The following TUBB3 variants were observed in gnomAD, a reference collection of about 807,000 sequenced individuals.
TUBB3 encodes the protein tubulin beta 3 class III.
Under a neutral mutation model 37.8 loss-of-function variants are expected in TUBB3, and 17 were observed. The observed-to-expected ratio is 0.45, with a 90% confidence interval of 0.31 to 0.67. The LOEUF is 0.67. TUBB3 is among the 30% of genes least tolerant of loss of function. The pLI is 0.07. For missense variants in TUBB3, 262 were observed against 657.9 expected, an observed-to-expected ratio of 0.40 and a Z score of 6.58; for synonymous variants, 332 against 278.9, an observed-to-expected ratio of 1.19 and a Z score of -1.90.
intron 1 of TUBB3, among the ~76,000 whole-genome samples, chr16:89,926,177 G>A (rs1355540187): frequency 2.0e-5 from 3 of 152,202 alleles, no homozygotes; most frequent in Non-Finnish European, 4.4e-5. Context: ...CTCCCTCCCC[G>A]GGGCGGGGTT....
chr16:89,933,606 TG>T (rs766990660), intron 3 of TUBB3, 28 bp downstream of exon 3: 2 of 1,579,044 alleles, frequency 1.3e-6, no homozygotes, highest in African/African-American at 2.7e-5. Context: ...CAAGCTCTGA[TG>T]GCAGACCCCA....
At chr16:89,933,991 T>G (rs1170490811) in intron 3 of TUBB3, 1 of 412,446 alleles carries the variant, frequency 2.4e-6, no homozygotes, top group East Asian at 9.7e-5. Context: ...GGGCCGTGGA[T>G]GCCACGTTCC....
Position 89,935,791 on chromosome 16 carries a change from A to G in TUBB3, c.1340A>G (p.Gln447Arg). 1 of 1,613,116 alleles carries G rather than the reference A, an allele frequency of 6.2e-7. No homozygotes were observed. Among genetic ancestry groups the G allele is most frequent in the South Asian group, 1.1e-5 (1 of 91,074 alleles). ...YEDDEEESEAQGPK is the reference protein window; with the variant it reads ...YEDDEEESEARGPK The stretch of plus-strand genomic sequence containing the variant: ...GACGACGAGGAGGAGTCGGAGGCCC[A>G]GGGCCCCAAGTGAAGCTGCTCGCAG... Residue 447 changes from glutamine to arginine, a missense_variant, in exon 4 of 4, where the codon CAG becomes CGG. Gln to Arg is a conservative substitution (Grantham distance 43). This residue lies in a region of TUBB3 where 39 missense variants were observed against 26.9 expected (regional missense o/e 1.45). Transcript: ENST00000315491.
At chr16:89,927,641 A>C (rs1012477026) in intron 1 of TUBB3, among the ~76,000 whole-genome samples, 1 of 152,216 alleles carries the variant, frequency 6.6e-6, no homozygotes, top group Non-Finnish European at 1.5e-5. Flanking sequence ...CATTTGAACA[A>C]AATGAAGCCA....
At position 89,934,361 on chromosome 16, in the gene TUBB3, C is replaced by T. The variant is rs1320779208; in HGVS notation, c.278-368C>T. The T allele has an allele frequency of 1.0e-5, 5 of 499,562 alleles. No individual in the cohort carries two copies. In the East Asian group the frequency reaches 2.2e-4, roughly 22 times the overall value. The allele number at this position is 499,562 out of a possible 1,614,324, so 30.9% of individuals were successfully genotyped here. A position where few individuals can be genotyped will look rare whatever the true frequency, so the allele number is the denominator to read the frequency against. ...CAGCTGGTAGATGCCAACTCGCATC[C>T]AGCCCCCAGCTGCCAGGGATTCTGG... On this transcript the variant is annotated intron_variant, in intron 3 of 3. Transcript: ENST00000315491.
Position 89,935,596 on chromosome 16 carries a change from C to G in TUBB3, c.1145C>G (p.Ser382Cys). 6.2e-7 allele frequency: 1 copy of G among 1,613,970 alleles called. No homozygotes were observed. The highest frequency in any genetic ancestry group is 8.5e-7 in the Non-Finnish European group (1 of 1,180,012). The change falls in exon 4 of 4, where the codon TCC becomes TGC. Residue 382 changes from serine (S) to cysteine (C), a missense_variant. Around this residue, in one of 3 missense-constraint regions of TUBB3, gnomAD observed 165 missense variants for 556.8 expected, o/e 0.30. Transcript: ENST00000315491. ...TAIQELFKRI[S>C]EQFTAMFRRK... ...ATCCAGGAGCTGTTCAAGCGCATCTCCGAGCAGTTCACGGCCATGTTCCGG... is the reference window on the plus strand; with the variant it reads ...ATCCAGGAGCTGTTCAAGCGCATCTGCGAGCAGTTCACGGCCATGTTCCGG...
Position 89,923,419 on chromosome 16 carries a change from C to T in TUBB3, c.18C>T (p.His6=), listed in dbSNP as rs2029957353. 12 of 1,512,992 alleles carry T rather than the reference C, an allele frequency of 7.9e-6. No individual in the cohort carries two copies. Among genetic ancestry groups the T allele is most frequent in the Non-Finnish European group, 1.1e-5 (12 of 1,130,224 alleles). The allele number at this position is 1,512,992 out of a possible 1,614,324, so 93.7% of individuals were successfully genotyped here. A position where few individuals can be genotyped will look rare whatever the true frequency, so the allele number is the denominator to read the frequency against. Residue 6 remains histidine, a synonymous_variant, in exon 1 of 4, where the codon CAC becomes CAT. Transcript: ENST00000315491. ...CGCCCAGTATGAGGGAGATCGTGCA[C>T]ATCCAGGCCGGCCAGTGCGGCAACC... is the stretch of plus-strand genomic sequence containing the variant. MREIV[H]IQAGQCGNQI...
rs759546613 is a variant in TUBB3 at position 89,933,585 on chromosome 16, TC to T, written c.277+12del. 9.3e-6 allele frequency: 15 copies of T among 1,608,622 alleles called. No homozygotes were observed. The African/African-American group carries it at 1.3e-4, about 14-fold the overall frequency. On this transcript the variant is annotated splice_region_variant and intron_variant, in intron 3 of 3. Coordinates refer to ENST00000315491, the MANE Select transcript of TUBB3 (RefSeq NM_006086.4). ...CCTGACAATTTCATCTTTGGTAAGT[TC>T]CCCCTGCTCCAAGCTCTGATGGCAG...
intron 1 of TUBB3, chr16:89,931,830 T>C (rs1053974768): frequency 4.9e-6 from 2 of 411,884 alleles, no homozygotes; most frequent in Non-Finnish European, 5.0e-6. Flanking sequence ...CGAGAAGCAC[T>C]GCAGGCACCT....
At chr16:89,922,520 AGAGT>A (rs1377888433), upstream of TUBB3, 1 of 152,262 alleles carries the variant, frequency 6.6e-6, no homozygotes, top group Non-Finnish European at 1.5e-5. Flanking sequence ...CCGACCTCAG[AGAGT>A]GAGTCAGATA....
At chr16:89,930,409 G>A (rs114867959) in intron 1 of TUBB3, among the ~76,000 whole-genome samples, 16,686 of 151,140 alleles carry the variant, frequency 0.11, 2,334 homozygotes, top group African/African-American at 0.33. Context: ...AGCTATGAGT[G>A]GTTTTGTTTC....
chr16:89,929,110 G>C (rs536464710), intron 1 of TUBB3, among the ~76,000 whole-genome samples: 1 of 151,800 alleles, frequency 6.6e-6, no homozygotes, highest in Non-Finnish European at 1.5e-5. Flanking sequence ...TTACAGGTGC[G>C]CGCTACCACG....
intron 1 of TUBB3, among the ~76,000 whole-genome samples, chr16:89,931,186 A>C (rs547077759): frequency 2.0e-4 from 31 of 152,146 alleles, no homozygotes; most frequent in African/African-American, 6.3e-4. Flanking sequence ...ATCTTTGTCT[A>C]CACTCCTGGG....
intron 1 of TUBB3, among the ~76,000 whole-genome samples, chr16:89,925,866 G>A (rs2030057625): frequency 6.6e-6 from 1 of 152,232 alleles, no homozygotes; most frequent in Non-Finnish European, 1.5e-5. Flanking sequence ...CTCGAGGCCG[G>A]GAGCAAAGCC....
At chr16:89,934,412 G>A (rs1241034740) in intron 3 of TUBB3, 2 of 544,210 alleles carry the variant, frequency 3.7e-6, no homozygotes, top group Non-Finnish European at 7.0e-6. Context: ...TCCTGGCACT[G>A]CCAGTCGGAA....
chr16:89,929,508 C>T (rs959820000), intron 1 of TUBB3, among the ~76,000 whole-genome samples: 1 of 152,100 alleles, frequency 6.6e-6, no homozygotes, highest in East Asian at 1.9e-4. Flanking sequence ...TATGTTTATT[C>T]TTAAGGTTTT....
chr16:89,934,964 C>T lies in TUBB3; in HGVS notation c.513C>T (p.Pro171=), dbSNP rs758994248. 3 of 1,614,186 alleles carry T rather than the reference C, an allele frequency of 1.9e-6. No homozygotes were observed. The highest frequency in any genetic ancestry group is 2.2e-5 in the East Asian group (1 of 44,880). Residue 171 remains proline (P), a synonymous_variant, in exon 4 of 4, where the codon CCC becomes CCT. Transcript: ENST00000315491. The stretch of plus-strand genomic sequence containing the variant: ...TCATGAACACCTTCAGCGTCGTGCC[C>T]TCACCCAAGGTGTCAGACACGGTGG... ...DRIMNTFSVV[P]SPKVSDTVVE...
intron 1 of TUBB3, among the ~76,000 whole-genome samples, chr16:89,928,248 G>T (rs1372234095): frequency 6.6e-6 from 1 of 151,918 alleles, no homozygotes; most frequent in East Asian, 1.9e-4. Context: ...TAGAGACAGG[G>T]TTTCACCATG....
At chr16:89,929,143 A>G (rs548514136) in intron 1 of TUBB3, among the ~76,000 whole-genome samples, 91 of 151,812 alleles carry the variant, frequency 6.0e-4, no homozygotes, top group African/African-American at 2.1e-3. Context: ...TTGTATTTTT[A>G]GTAGGGACAG....
Sources: allele counts gnomAD v4.1 joint callset (sites outside exome capture counted in the v4.1 genomes callset), GRCh38; gene constraint gnomAD v4.1.1; regional missense constraint gnomAD v4.1.1; transcripts MANE v1.5; gene names NCBI Gene and HGNC (gene_info 2026-07-23, HGNC 2026-07-21).